The following GRIK2 variants were observed in gnomAD, a reference collection of about 807,000 sequenced individuals.
GRIK2 encodes glutamate ionotropic receptor kainate type subunit 2, also known as glutamate receptor ionotropic, kainate 2.
A neutral mutation model predicts 100.3 loss-of-function variants in GRIK2; 32 were observed. That is an observed-to-expected ratio of 0.32 (90% CI 0.24 to 0.43). GRIK2 has a LOEUF of 0.43. GRIK2 is among the 20% of genes least tolerant of loss of function. The pLI is 1.00. For missense variants in GRIK2, 843 were observed against 1,114.9 expected, an observed-to-expected ratio of 0.76 and a Z score of 3.47; for synonymous variants, 417 against 389.4, an observed-to-expected ratio of 1.07 and a Z score of -0.83.
chr6:101,725,421 TATAGTA>T lies in GRIK2; in HGVS notation c.951+39069_951+39074del, dbSNP rs1370700311. 3.9e-5 allele frequency among the ~76,000 whole-genome samples: 6 copies of T among 152,046 alleles called. No homozygotes were observed. In the East Asian group the frequency reaches 9.6e-4, roughly 24 times the overall value. Reference sequence around the variant, plus strand: ...CACTGAATCTGAATTCACATTGTCTTATAGTAGAAGAAGATATTATTCAAATGTTTA... The same window carrying T: ...CACTGAATCTGAATTCACATTGTCTTGAAGAAGATATTATTCAAATGTTTA... On this transcript the variant is annotated intron_variant, in intron 7 of 16. Transcript: ENST00000369134.
chr6:101,826,430 G>A lies in GRIK2; in HGVS notation c.1317+7947G>A, dbSNP rs557306476. The stretch of plus-strand genomic sequence containing the variant: ...GCAGGGATGATAGCACTGCCACAGC[G>A]TGTGATGGGGATGGTGGGAAAGGAG... On this transcript the variant is annotated intron_variant, in intron 10 of 16. Transcript: ENST00000369134. 4.6e-5 allele frequency among the ~76,000 whole-genome samples: 7 copies of A among 152,154 alleles called. No individual in the cohort carries two copies. In the East Asian group the frequency reaches 7.7e-4, roughly 17 times the overall value.
chr6:102,024,898 A>G (rs1211091939), intron 14 of GRIK2, among the ~76,000 whole-genome samples: 1 of 149,998 alleles, frequency 6.7e-6, no homozygotes, highest in Non-Finnish European at 1.5e-5. Flanking sequence ...AAATTATATG[A>G]CTGTATTAAA....
intron 2 of GRIK2, among the ~76,000 whole-genome samples, chr6:101,535,131 C>T (rs1775627471): frequency 6.6e-6 from 1 of 151,586 alleles, no homozygotes; most frequent in African/African-American, 2.4e-5. Context: ...CTAGGTATTG[C>T]TTCAGTCTTG....
intron 7 of GRIK2, among the ~76,000 whole-genome samples, chr6:101,785,300 C>A (rs1264547503): frequency 6.6e-6 from 1 of 152,070 alleles, no homozygotes. Context: ...TGTGCAGAAT[C>A]TTTTTATGTC....
chr6:101,881,164 G>A (rs1439691512), intron 11 of GRIK2, among the ~76,000 whole-genome samples: 1 of 151,666 alleles, frequency 6.6e-6, no homozygotes, highest in African/African-American at 2.4e-5. Context: ...TGTTTTATTT[G>A]ATTAATGTTT....
chr6:101,547,043 G>T (rs1437473947), intron 2 of GRIK2, among the ~76,000 whole-genome samples: 3 of 151,140 alleles, frequency 2.0e-5, no homozygotes, highest in Non-Finnish European at 4.4e-5. Flanking sequence ...GTTTTAGCCG[G>T]GATGGTCTCG....
chr6:101,562,164 G>A, intron 2 of GRIK2, among the ~76,000 whole-genome samples: 1 of 151,962 alleles, frequency 6.6e-6, no homozygotes, highest in East Asian at 1.9e-4. Flanking sequence ...CCCCTTCCAA[G>A]TTAGCTCTCA....
chr6:101,459,364 T>C (rs1771177115), intron 2 of GRIK2, among the ~76,000 whole-genome samples: 1 of 152,220 alleles, frequency 6.6e-6, no homozygotes. Flanking sequence ...AGAAACCATT[T>C]AGTCTTCCAT....
chr6:101,808,616 A>G (rs1018593427), intron 9 of GRIK2, among the ~76,000 whole-genome samples: 5 of 151,952 alleles, frequency 3.3e-5, no homozygotes, highest in African/African-American at 1.2e-4. Flanking sequence ...AATTTTGCCA[A>G]TCTGATTACT....
rs184105738 is a variant in GRIK2 at position 101,671,112 on chromosome 6, G to A, written c.542-5511G>A. Among the ~76,000 whole-genome samples, 27 of 152,122 alleles carry A rather than the reference G, an allele frequency of 1.8e-4. No homozygotes were observed. The East Asian group carries it at 4.8e-3, about 27-fold the overall frequency. Reference sequence around the variant, plus strand: ...TGTTATTTGATTATTCTGCATTTATGGAAATAATTTTGTGAGAATGATAGA... The same window carrying A: ...TGTTATTTGATTATTCTGCATTTATAGAAATAATTTTGTGAGAATGATAGA... On this transcript the variant is annotated intron_variant, in intron 4 of 16. Transcript: ENST00000369134.
intron 2 of GRIK2, among the ~76,000 whole-genome samples, chr6:101,499,538 A>G (rs991659632): frequency 6.6e-6 from 1 of 152,140 alleles, no homozygotes; most frequent in Admixed American, 6.6e-5. Context: ...TATGATTCTT[A>G]AATTTCCTAC....
chr6:101,833,449 G>A (rs1782835708), intron 10 of GRIK2, among the ~76,000 whole-genome samples: 1 of 152,158 alleles, frequency 6.6e-6, no homozygotes, highest in Non-Finnish European at 1.5e-5. Flanking sequence ...TGGCCAGGCT[G>A]GTCTTGAATT....
At position 101,626,353 on chromosome 6, in the gene GRIK2, A is replaced by G. The variant is rs372969827; in HGVS notation, c.284-27A>G. On this transcript the variant is annotated intron_variant, in intron 3 of 16. Coordinates refer to ENST00000369134, the MANE Select transcript of GRIK2 (RefSeq NM_021956.5). ...GCACACTGGCACCTCTCCTCTCATT[A>G]TTGACAGACCTTTATCTCCTCTTCA... The G allele has an allele frequency of 3.8e-6, 6 of 1,594,370 alleles. No individual in the cohort carries two copies. The African/African-American group carries it at 5.4e-5, about 14-fold the overall frequency.
chr6:102,037,383 A>G (rs146668341), intron 15 of GRIK2, among the ~76,000 whole-genome samples: 22 of 151,514 alleles, frequency 1.5e-4, no homozygotes, highest in African/African-American at 4.8e-4. Flanking sequence ...ATAAAAGCTC[A>G]GTTGTTAAAA....
rs1485056364 is a variant in GRIK2 at position 101,750,005 on chromosome 6, G to A, written c.952-49643G>A. 2.0e-5 allele frequency among the ~76,000 whole-genome samples: 3 copies of A among 151,172 alleles called. No individual in the cohort carries two copies. In the East Asian group the frequency reaches 5.9e-4, roughly 30 times the overall value. The stretch of plus-strand genomic sequence containing the variant: ...TTTTTACTTTTTTTTGGTAGGGACA[G>A]GGTTTCACCATGTTGGCCAGGCTGG... On this transcript the variant is annotated intron_variant, in intron 7 of 16. Coordinates refer to ENST00000369134, the MANE Select transcript of GRIK2 (RefSeq NM_021956.5).
At chr6:101,642,237 T>C (rs1781306901) in intron 4 of GRIK2, among the ~76,000 whole-genome samples, 2 of 151,880 alleles carry the variant, frequency 1.3e-5, no homozygotes, top group Admixed American at 1.3e-4. Context: ...TTTTAAAATT[T>C]GTAATTGTGG....
At chr6:101,835,831 T>G (rs1783047852) in intron 10 of GRIK2, among the ~76,000 whole-genome samples, 1 of 66,020 alleles carries the variant, frequency 1.5e-5, no homozygotes, top group African/African-American at 3.7e-5. Context: ...GCAACATGGC[T>G]TTGTTTTCCT....
At chr6:101,746,341 T>A (rs1776419098) in intron 7 of GRIK2, among the ~76,000 whole-genome samples, 1 of 152,176 alleles carries the variant, frequency 6.6e-6, no homozygotes, top group Non-Finnish European at 1.5e-5. Context: ...TTTTATTTAT[T>A]TATTGAGACA....
chr6:101,432,247 G>T (rs993952170), intron 2 of GRIK2, among the ~76,000 whole-genome samples: 1 of 152,072 alleles, frequency 6.6e-6, no homozygotes, highest in Non-Finnish European at 1.5e-5. Context: ...CCCCTAGGAA[G>T]AGTTGCTTCC....
Sources: allele counts gnomAD v4.1 joint callset (sites outside exome capture counted in the v4.1 genomes callset), GRCh38; gene constraint gnomAD v4.1.1; transcripts MANE v1.5; gene names NCBI Gene and HGNC (gene_info 2026-07-23, HGNC 2026-07-21).